UBA6: variants seen among roughly 807,000 people sequenced by gnomAD.
UBA6 encodes the protein ubiquitin like modifier activating enzyme 6.
In UBA6, 87 loss-of-function variants were observed where a neutral mutation model predicts 148.3. That is an observed-to-expected ratio of 0.59 (90% CI 0.49 to 0.70). The LOEUF is 0.70. Among genes scored for constraint, UBA6 ranks in the 30% least tolerant of loss-of-function variants. UBA6 has a pLI of 0.00. For missense variants in UBA6, 1,186 were observed against 1,241.2 expected (o/e 0.96, Z 0.67); for synonymous variants, 376 against 401.0 (o/e 0.94, Z 0.75).
chr4:67,667,586 C>G (rs1730037175), intron 9 of UBA6, among the ~76,000 whole-genome samples: 1 of 151,960 alleles, frequency 6.6e-6, no homozygotes, highest in South Asian at 2.1e-4. Context: ...TTCAAATGCC[C>G]TAAAGATAAA....
At chr4:67,631,792 T>G in intron 24 of UBA6, 21 bp from the exon 25 acceptor site, 2 of 1,611,006 alleles carry the variant, frequency 1.2e-6, no homozygotes, top group South Asian at 2.2e-5. Context: ...GATACAAATA[T>G]CATTTTCAAT....
chr4:67,666,792 T>C (rs1406604745), intron 9 of UBA6, among the ~76,000 whole-genome samples: 3 of 152,056 alleles, frequency 2.0e-5, no homozygotes, highest in Admixed American at 6.6e-5. Flanking sequence ...GGAGGATCAC[T>C]TGGGCCCAGG....
chr4:67,695,033 A>G (rs1032924103), intron 2 of UBA6, among the ~76,000 whole-genome samples: 2 of 152,228 alleles, frequency 1.3e-5, no homozygotes, highest in African/African-American at 4.8e-5. Flanking sequence ...TTGTAAATGG[A>G]AAGTTTAGTC....
At chr4:67,629,168 A>G (rs750989518) in intron 26 of UBA6, 26 bp from the exon 27 acceptor site, 1 of 1,448,348 alleles carries the variant, frequency 6.9e-7, no homozygotes, top group South Asian at 1.1e-5. Flanking sequence ...TAATTTTACC[A>G]ACAAACATAT....
At chr4:67,641,291 C>T in intron 17 of UBA6, 63 bp from the exon 18 acceptor site, 2 of 1,004,734 alleles carry the variant, frequency 2.0e-6, no homozygotes, top group East Asian at 2.5e-5. Context: ...TTTTTCTTTT[C>T]TCAGTATGAC....
chr4:67,686,204 T>G (rs1361709607), intron 2 of UBA6, among the ~76,000 whole-genome samples: 1 of 152,222 alleles, frequency 6.6e-6, no homozygotes. Flanking sequence ...GTCTTAGTTT[T>G]ATTCCCTTGG....
chr4:67,634,575 TG>T, intron 20 of UBA6, 57 bp from the exon 21 acceptor site: 1 of 1,271,472 alleles, frequency 7.9e-7, no homozygotes, highest in Non-Finnish European at 1.1e-6. Flanking sequence ...CAATTTTTAT[TG>T]ATTTAATCTA....
intron 13 of UBA6, among the ~76,000 whole-genome samples, chr4:67,653,871 C>T (rs182600533): frequency 3.3e-5 from 5 of 152,210 alleles, no homozygotes; most frequent in Middle Eastern, 3.4e-3. Context: ...AACCACAGCA[C>T]GAGAACTTCA....
intron 19 of UBA6, among the ~76,000 whole-genome samples, chr4:67,638,662 C>T (rs72642359): frequency 0.12 from 18,643 of 152,188 alleles, 1,292 homozygotes; most frequent in South Asian, 0.21. Context: ...CTGAAAGGCA[C>T]ATACAGCTAG....
chr4:67,661,153 T>C (rs974150889), intron 13 of UBA6, among the ~76,000 whole-genome samples: 1 of 152,172 alleles, frequency 6.6e-6, no homozygotes, highest in African/African-American at 2.4e-5. Flanking sequence ...ACTTTGGACA[T>C]GGACTTCTGG....
intron 9 of UBA6, 64 bp from the exon 10 acceptor site, chr4:67,665,356 AT>A: frequency 2.5e-5 from 25 of 1,001,420 alleles, no homozygotes; most frequent in Non-Finnish European, 3.7e-5. Context: ...TTCAACTCTT[AT>A]TGTCATAAGA....
At chr4:67,640,412 G>A (rs3775880) in intron 18 of UBA6, among the ~76,000 whole-genome samples, 22,952 of 152,162 alleles carry the variant, frequency 0.15, 1,803 homozygotes, top group South Asian at 0.22. Flanking sequence ...ACTAAGCTTA[G>A]TTTACTAAGA....
intron 19 of UBA6, among the ~76,000 whole-genome samples, chr4:67,637,789 A>C (rs1450219823): frequency 6.6e-6 from 1 of 152,080 alleles, no homozygotes; most frequent in East Asian, 1.9e-4. Context: ...GTACCCAGGG[A>C]CACAAACACT....
At chr4:67,674,257 G>A (rs546941878) in intron 6 of UBA6, among the ~76,000 whole-genome samples, 1 of 152,208 alleles carries the variant, frequency 6.6e-6, no homozygotes, top group African/African-American at 2.4e-5. Flanking sequence ...CTTCCTGTAG[G>A]GAGACATTCC....
rs183266235 is a variant in UBA6, at chr4:67,693,040, G to T, written c.134+3605C>A. Among the ~76,000 whole-genome samples the T allele has an allele frequency of 1.6e-4, 24 of 152,096 alleles. No homozygotes were observed. In the East Asian group the frequency reaches 4.4e-3, roughly 28 times the overall value. On this transcript the variant is annotated intron_variant, in intron 2 of 32. Transcript: ENST00000322244. ...TATAGAAACATTTTTCCAGAAATGA[G>T]AAAGCAAAAAAAGTCACATAGTAGT...
intron 2 of UBA6, among the ~76,000 whole-genome samples, chr4:67,689,504 C>T (rs1730646331): frequency 6.6e-6 from 1 of 152,034 alleles, no homozygotes; most frequent in Non-Finnish European, 1.5e-5. Context: ...CCCAAATGCC[C>T]CAATTCCTGA....
intron 16 of UBA6, 53 bp from the exon 17 acceptor site, chr4:67,644,831 C>A: frequency 1.2e-6 from 1 of 861,188 alleles, no homozygotes; most frequent in Non-Finnish European, 1.9e-6. Context: ...ATCTGTGAAT[C>A]ATTTTACTTT....
intron 22 of UBA6, among the ~76,000 whole-genome samples, chr4:67,633,730 G>T (rs1729056165): frequency 6.6e-6 from 1 of 151,916 alleles, no homozygotes; most frequent in African/African-American, 2.4e-5. Flanking sequence ...TATTTTCCTA[G>T]CTGTAAGTTA....
chr4:67,681,438 G>T, intron 4 of UBA6, 125 bp downstream of exon 4: 1 of 572,854 alleles, frequency 1.7e-6, no homozygotes, highest in Non-Finnish European at 2.9e-6. Flanking sequence ...AAATTTCCAT[G>T]ATTTTTTTTA....
Sources: allele counts gnomAD v4.1 joint callset (sites outside exome capture counted in the v4.1 genomes callset), GRCh38; gene constraint gnomAD v4.1.1; transcripts MANE v1.5; gene names NCBI Gene and HGNC (gene_info 2026-07-23, HGNC 2026-07-21).